SORCS1: variants seen among roughly 807,000 people sequenced by gnomAD.
SORCS1 encodes the protein sortilin related VPS10 domain containing receptor 1, also known as VPS10 domain-containing receptor SorCS1.
SORCS1 carries 60 observed loss-of-function variants against 146.1 expected under a neutral mutation model. That is an observed-to-expected ratio of 0.41 (90% confidence interval 0.33 to 0.51). SORCS1 has a LOEUF of 0.51. Ranked by LOEUF, SORCS1 falls within the 20% of genes least tolerant of loss-of-function variation. The pLI, the probability that SORCS1 is intolerant of heterozygous loss-of-function variation, is 0.21. For missense variants in SORCS1, 1,352 were observed against 1,487.6 expected (o/e 0.91, Z 1.50); for synonymous variants, 637 against 584.0 (o/e 1.09, Z -1.31).
intron 3 of SORCS1, among the ~76,000 whole-genome samples, chr10:106,802,832 A>C (rs1946976225): frequency 6.6e-6 from 1 of 151,890 alleles, no homozygotes; most frequent in Admixed American, 6.6e-5. Context: ...ACAGGGTTTC[A>C]CCATGTTGGC....
chr10:107,071,958 A>G (rs1463157891), intron 1 of SORCS1, among the ~76,000 whole-genome samples: 3 of 152,246 alleles, frequency 2.0e-5, no homozygotes, highest in African/African-American at 7.2e-5. Context: ...GAGAGACCCA[A>G]TGAGGTAAAA....
intron 22 of SORCS1, 60 bp from the exon 23 acceptor site, chr10:106,607,357 C>T: frequency 1.3e-6 from 2 of 1,596,856 alleles, no homozygotes; most frequent in Middle Eastern, 1.9e-4. Context: ...GAGAAGGGAC[C>T]AAGTATTTGG....
chr10:107,019,021 G>A, intron 1 of SORCS1, among the ~76,000 whole-genome samples: 1 of 152,106 alleles, frequency 6.6e-6, no homozygotes, highest in Non-Finnish European at 1.5e-5. Context: ...TTAACAATCT[G>A]AGCCTTGTTT....
chr10:106,890,837 C>T (rs1441712164), intron 2 of SORCS1, among the ~76,000 whole-genome samples: 1 of 151,078 alleles, frequency 6.6e-6, no homozygotes, highest in African/African-American at 2.4e-5. Flanking sequence ...ACTGGGAAAT[C>T]ATGCTAAAAG....
At chr10:106,630,634 C>A (rs889059354) in intron 18 of SORCS1, among the ~76,000 whole-genome samples, 10 of 152,176 alleles carry the variant, frequency 6.6e-5, no homozygotes, top group African/African-American at 2.4e-4. Flanking sequence ...TATAATAATA[C>A]CTTCCTGTCT....
intron 2 of SORCS1, among the ~76,000 whole-genome samples, chr10:106,851,579 C>A (rs1949575159): frequency 6.6e-6 from 1 of 152,178 alleles, no homozygotes; most frequent in African/African-American, 2.4e-5. Context: ...TTCCTTCACA[C>A]AATAACAAAC....
At position 106,701,732 on chromosome 10, in the gene SORCS1, A is replaced by T. The variant is rs931834469; in HGVS notation, c.1234-2339T>A. Among the ~76,000 whole-genome samples the T allele has an allele frequency of 3.9e-5, 6 of 152,194 alleles. No homozygotes were observed. In the East Asian group the frequency reaches 1.2e-3, roughly 29 times the overall value. ...TGGCTGAAGAATGGACTTTGGAGTA[A>T]AACTAGTTGAGTTCAAATCTTGGCT... On this transcript the variant is annotated intron_variant, in intron 8 of 25. Transcript: ENST00000263054.
chr10:106,708,951 T>C (rs1229136431), intron 7 of SORCS1, among the ~76,000 whole-genome samples: 1 of 152,198 alleles, frequency 6.6e-6, no homozygotes, highest in Non-Finnish European at 1.5e-5. Context: ...ACAATCTCAC[T>C]ACTCTGTGCG....
rs753955864 is a variant in SORCS1 at position 106,675,145 on chromosome 10, T to A, written c.1844A>T (p.Asp615Val). 7 of 1,612,244 alleles carry A rather than the reference T, an allele frequency of 4.3e-6. No individual in the cohort carries two copies. ...GTATTTGCTCCAAGATCTCCCTTCATCAAAACTCAACCTAATGATATAAAA... is the reference window on the plus strand; with the variant it reads ...GTATTTGCTCCAAGATCTCCCTTCAACAAAACTCAACCTAATGATATAAAA... ...LPIRHLWLSFDEGRSWSKYSF... is the reference protein window; with the variant it reads ...LPIRHLWLSFVEGRSWSKYSF... The change falls in exon 14 of 26, where the codon GAT becomes GTT. Residue 615 changes from aspartate (D) to valine (V), a missense_variant. By Grantham distance (152) the Asp-to-Val change is radical. Transcript: ENST00000263054.
chr10:106,658,989 G>T lies in SORCS1; in HGVS notation c.2304-6436C>A, dbSNP rs559153143. Among the ~76,000 whole-genome samples, 2 of 152,198 alleles carry T rather than the reference G, an allele frequency of 1.3e-5. 1 individual carries two copies. The stretch of plus-strand genomic sequence containing the variant: ...TAACCATTGTGACTCTTCATCAATA[G>T]ACACAGGCAGCCCCAAAATGGTCAT... On this transcript the variant is annotated intron_variant, in intron 17 of 25. Transcript: ENST00000263054.
At chr10:106,869,182 T>C (rs1950321001) in intron 2 of SORCS1, among the ~76,000 whole-genome samples, 1 of 152,102 alleles carries the variant, frequency 6.6e-6, no homozygotes, top group Non-Finnish European at 1.5e-5. Context: ...CAAGCTCTGA[T>C]ATTGAATCAG....
chr10:106,888,781 G>T (rs1002339435), intron 2 of SORCS1, among the ~76,000 whole-genome samples: 7 of 152,238 alleles, frequency 4.6e-5, no homozygotes, highest in Non-Finnish European at 8.8e-5. Flanking sequence ...TCCTCAGATT[G>T]TAAGCTGGTA....
intron 7 of SORCS1, 95 bp downstream of exon 7, chr10:106,709,128 T>C (rs1854760545): frequency 1.0e-5 from 9 of 900,070 alleles, no homozygotes; most frequent in Middle Eastern, 4.5e-4. Context: ...CATCCTCTCT[T>C]TTTGACTCTT....
intron 24 of SORCS1, among the ~76,000 whole-genome samples, chr10:106,586,464 T>G (rs1480385331): frequency 6.6e-6 from 1 of 152,206 alleles, no homozygotes; most frequent in African/African-American, 2.4e-5. Context: ...TGCCTTCCCC[T>G]GGGATACTGC....
At chr10:106,705,875 C>G (rs1267694784) in intron 8 of SORCS1, among the ~76,000 whole-genome samples, 4 of 152,078 alleles carry the variant, frequency 2.6e-5, no homozygotes, top group Non-Finnish European at 5.9e-5. Context: ...AAAGGATATG[C>G]CTTTGGGGAA....
intron 1 of SORCS1, among the ~76,000 whole-genome samples, chr10:107,035,266 AAAAAAAAAACAAC>A (rs1221950296): frequency 1.4e-5 from 2 of 144,630 alleles, no homozygotes; most frequent in African/African-American, 2.6e-5. Context: ...AAGCTTCAAA[AAAAAAAAAACAAC>A]AAAAAAAAAA....
At chr10:106,658,855 A>C (rs1468129190) in intron 17 of SORCS1, among the ~76,000 whole-genome samples, 1 of 152,180 alleles carries the variant, frequency 6.6e-6, no homozygotes, top group Admixed American at 6.6e-5. Context: ...ACTGCTTCTG[A>C]AAAAGCAGTA....
intron 18 of SORCS1, among the ~76,000 whole-genome samples, chr10:106,650,803 A>T (rs1320351568): frequency 2.0e-5 from 3 of 152,202 alleles, no homozygotes; most frequent in African/African-American, 7.2e-5. Flanking sequence ...CTCTTAAGAA[A>T]GGAATTTTAG....
At chr10:107,103,947 C>T (rs1219874752) in intron 1 of SORCS1, among the ~76,000 whole-genome samples, 1 of 152,202 alleles carries the variant, frequency 6.6e-6, no homozygotes, top group African/African-American at 2.4e-5. Flanking sequence ...GGCCACTCTT[C>T]TATTTGGACA....
Sources: gnomAD v4.1 joint callset for allele counts (sites outside exome capture counted in the v4.1 genomes callset) on GRCh38, gnomAD v4.1.1 for gene constraint, MANE v1.5 for transcripts, NCBI Gene and HGNC (gene_info 2026-07-23, HGNC 2026-07-21) for gene names.